Variants in SLC22A23 observed in about 807,000 individuals in gnomAD.
SLC22A23 encodes ion transporter protein.
Under a neutral mutation model 61.0 loss-of-function variants are expected in SLC22A23, and 26 were observed. The ratio of observed to expected loss-of-function variants is 0.43; its 90% CI spans 0.31 to 0.59. SLC22A23 has a LOEUF of 0.59. SLC22A23 is among the 20% of genes least tolerant of loss of function. The probability of loss-of-function intolerance (pLI) is 0.11; values close to 1 mark genes in which losing one functional copy is unlikely to be tolerated. For synonymous variants in SLC22A23, 430 were observed against 413.9 expected, an observed-to-expected ratio of 1.04 and a Z score of -0.47; for missense variants, 796 against 934.7, an observed-to-expected ratio of 0.85 and a Z score of 1.94.
chr6:3,337,984 A>C (rs920934182), intron 3 of SLC22A23, among the ~76,000 whole-genome samples: 1 of 152,030 alleles, frequency 6.6e-6, no homozygotes, highest in Non-Finnish European at 1.5e-5. Context: ...TCACCCCCAG[A>C]CTCCCTCCCT....
intron 3 of SLC22A23, among the ~76,000 whole-genome samples, chr6:3,361,458 G>A (rs1336444267): frequency 6.6e-6 from 1 of 152,198 alleles, no homozygotes; most frequent in Admixed American, 6.5e-5. Flanking sequence ...GTCACAGAGA[G>A]AGGGGTCCAA....
At chr6:3,394,728 T>C (rs1767895670) in intron 3 of SLC22A23, among the ~76,000 whole-genome samples, 1 of 152,060 alleles carries the variant, frequency 6.6e-6, no homozygotes, top group African/African-American at 2.4e-5. Flanking sequence ...ACCCCTTAAG[T>C]CTCCACGTCG....
intron 1 of SLC22A23, among the ~76,000 whole-genome samples, chr6:3,416,867 G>A (rs1405377348): frequency 5.9e-5 from 9 of 152,222 alleles, no homozygotes; most frequent in Non-Finnish European, 7.3e-5. Flanking sequence ...TGGGAACACC[G>A]GAGCGGGAGG....
At chr6:3,310,662 CCCTACGA>C (rs985480049) in intron 4 of SLC22A23, among the ~76,000 whole-genome samples, 78 of 140,996 alleles carry the variant, frequency 5.5e-4, no homozygotes, top group Non-Finnish European at 9.0e-4. Context: ...TACTGTGAAA[CCCTACGA>C]GGTTGATCAT....
Position 3,414,596 on chromosome 6 carries a change from C to T in SLC22A23, c.758+1156G>A, listed in dbSNP as rs1168360114. 3.3e-5 allele frequency among the ~76,000 whole-genome samples: 5 copies of T among 152,042 alleles called. No homozygotes were observed. The East Asian group carries it at 7.7e-4, about 23-fold the overall frequency. Reference sequence around the variant, plus strand: ...TGTAATGTGACCCTCTGCTGCTGTCCGCCCAGGCACTTGCCTTGGCCAGCA... The same window carrying T: ...TGTAATGTGACCCTCTGCTGCTGTCTGCCCAGGCACTTGCCTTGGCCAGCA... On this transcript the variant is annotated intron_variant, in intron 2 of 9. Coordinates refer to ENST00000406686, the MANE Select transcript of SLC22A23 (RefSeq NM_015482.2). The surrounding 1 kb of genome is among the most constrained non-coding windows in gnomAD (Gnocchi z 5.1).
intron 4 of SLC22A23, among the ~76,000 whole-genome samples, chr6:3,305,456 C>T (rs114057477): frequency 8.6e-4 from 131 of 152,270 alleles, no homozygotes; most frequent in African/African-American, 3.0e-3. Flanking sequence ...AGTTTTATGA[C>T]GCGCTCCGTG....
Position 3,318,697 on chromosome 6 carries a change from T to A in SLC22A23, c.1082+5137A>T, listed in dbSNP as rs1232165453. 6.6e-6 allele frequency among the ~76,000 whole-genome samples: 1 copy of A among 152,070 alleles called. No individual in the cohort carries two copies. Among genetic ancestry groups the A allele is most frequent in the South Asian group, 2.1e-4 (1 of 4,822 alleles). On this transcript the variant is annotated intron_variant, in intron 4 of 9. Coordinates refer to ENST00000406686, the MANE Select transcript of SLC22A23 (RefSeq NM_015482.2). This position sits in a 1 kb window ranked among gnomAD's most constrained non-coding sequence, Gnocchi z 4.3. ...TGACCTCACTATACCTGGATAATAA[T>A]AAAACCCACATCTTAACACAGGCTG...
intron 3 of SLC22A23, among the ~76,000 whole-genome samples, chr6:3,397,047 C>T (rs1768057798): frequency 6.6e-6 from 1 of 152,180 alleles, no homozygotes; most frequent in Non-Finnish European, 1.5e-5. Flanking sequence ...TAAACATTCA[C>T]CCATAGACGC....
intron 3 of SLC22A23, among the ~76,000 whole-genome samples, chr6:3,354,926 C>T (rs1356242518): frequency 6.6e-6 from 1 of 152,138 alleles, no homozygotes; most frequent in Non-Finnish European, 1.5e-5. Flanking sequence ...CAAAGCAGGA[C>T]CTGAGGGCCA....
intron 4 of SLC22A23, chr6:3,312,172 C>T (rs888561188): frequency 2.0e-5 from 3 of 152,238 alleles, no homozygotes; most frequent in Non-Finnish European, 2.9e-5. Flanking sequence ...AATTGGCATA[C>T]ATTTAAAACA....
chr6:3,434,579 A>C (rs1446657094), intron 1 of SLC22A23, among the ~76,000 whole-genome samples: 1 of 152,016 alleles, frequency 6.6e-6, no homozygotes, highest in East Asian at 1.9e-4. Flanking sequence ...ACTGCACTCC[A>C]GCCTGGGCAA....
At position 3,342,260 on chromosome 6, in the gene SLC22A23, A is replaced by G. The variant is rs1185966690; in HGVS notation, c.914-18258T>C. 2.0e-5 allele frequency among the ~76,000 whole-genome samples: 3 copies of G among 152,184 alleles called. No individual in the cohort carries two copies. The highest frequency in any genetic ancestry group is 4.8e-5 in the African/African-American group (2 of 41,428). On this transcript the variant is annotated intron_variant, in intron 3 of 9. Coordinates refer to ENST00000406686, the MANE Select transcript of SLC22A23 (RefSeq NM_015482.2). This position sits in a 1 kb window ranked among gnomAD's most constrained non-coding sequence, Gnocchi z 4.0. ...CAATGTGGTTTGCTGTTTTAAGGCC[A>G]TGTGTCTCCTTAACATAACTCTTTT...
intron 3 of SLC22A23, among the ~76,000 whole-genome samples, chr6:3,407,607 T>C (rs757115870): frequency 1.1e-4 from 16 of 152,276 alleles, no homozygotes; most frequent in Non-Finnish European, 2.1e-4. Context: ...CTCCGAGTCA[T>C]CATTCACAGC....
At chr6:3,302,439 C>T (rs1200822913) in intron 4 of SLC22A23, among the ~76,000 whole-genome samples, 1 of 152,046 alleles carries the variant, frequency 6.6e-6, no homozygotes, top group Non-Finnish European at 1.5e-5. Context: ...TGTATGATTG[C>T]TTTGATCTTT....
At chr6:3,282,664 A>G (rs1366806478) in intron 9 of SLC22A23, among the ~76,000 whole-genome samples, 2 of 152,152 alleles carry the variant, frequency 1.3e-5, no homozygotes, top group Non-Finnish European at 2.9e-5. Context: ...ATTACTCTCA[A>G]GTTCTGTTTT....
intron 1 of SLC22A23, among the ~76,000 whole-genome samples, chr6:3,424,940 C>T (rs1581867179): frequency 1.3e-5 from 2 of 152,312 alleles, no homozygotes; most frequent in Middle Eastern, 3.4e-3. Flanking sequence ...CTTATTCCTT[C>T]ATGCCTAAGC....
chr6:3,430,457 C>G (rs1370471556), intron 1 of SLC22A23, among the ~76,000 whole-genome samples: 2 of 152,160 alleles, frequency 1.3e-5, no homozygotes, highest in Admixed American at 6.5e-5. Context: ...TCCTTTGTGC[C>G]ACCACCCAGT....
At chr6:3,302,384 TTTG>T (rs1438724909) in intron 4 of SLC22A23, among the ~76,000 whole-genome samples, 1 of 152,210 alleles carries the variant, frequency 6.6e-6, no homozygotes, top group Non-Finnish European at 1.5e-5. Context: ...AAACCAACTT[TTTG>T]TTTCATTGAT....
At chr6:3,284,934 A>G (rs1438045983) in intron 8 of SLC22A23, 145 bp downstream of exon 8, 2 of 1,544,518 alleles carry the variant, frequency 1.3e-6, no homozygotes, top group South Asian at 1.2e-5. Context: ...ATAGTGTCCA[A>G]CCTACGGCCA....
Sources: allele counts gnomAD v4.1 joint callset (sites outside exome capture counted in the v4.1 genomes callset), GRCh38; gene constraint gnomAD v4.1.1; non-coding constraint Gnocchi (gnomAD v3.1); transcripts MANE v1.5; gene names NCBI Gene and HGNC (gene_info 2026-07-23, HGNC 2026-07-21).